Variants in TACC2 observed in about 807,000 individuals in gnomAD.
TACC2 encodes the protein transforming acidic coiled-coil-containing protein 2.
In TACC2, 137 loss-of-function variants were observed where a neutral mutation model predicts 227.3. That is an observed-to-expected ratio of 0.60 (90% CI 0.52 to 0.69). TACC2 has a LOEUF of 0.69. Among genes scored for constraint, TACC2 ranks in the 30% least tolerant of loss-of-function variants. The pLI is 0.00. For missense variants in TACC2, 3,470 were observed against 3,694.4 expected (o/e 0.94, Z 1.57); for synonymous variants, 1,523 against 1,487.5 (o/e 1.02, Z -0.55).
chr10:122,105,363 G>A (rs1297673291), intron 5 of TACC2, among the ~76,000 whole-genome samples: 2 of 152,130 alleles, frequency 1.3e-5, no homozygotes, highest in African/African-American at 2.4e-5. Context: ...GATGAAATTG[G>A]GCATTGGCAG....
intron 1 of TACC2, among the ~76,000 whole-genome samples, chr10:121,996,781 T>C (rs978177981): frequency 1.3e-5 from 2 of 152,202 alleles, no homozygotes; most frequent in East Asian, 1.9e-4. Flanking sequence ...GGCTGAATCA[T>C]CTAAGCAGAG....
intron 5 of TACC2, among the ~76,000 whole-genome samples, chr10:122,111,789 GA>G (rs2083663554): frequency 6.6e-6 from 1 of 152,108 alleles, no homozygotes; most frequent in African/African-American, 2.4e-5. Flanking sequence ...GAACCTTGAA[GA>G]CTGGGCATTT....
intron 14 of TACC2, among the ~76,000 whole-genome samples, chr10:122,228,595 T>G (rs1017329667): frequency 1.8e-4 from 28 of 152,238 alleles, no homozygotes; most frequent in African/African-American, 6.3e-4. Flanking sequence ...GCACCATCCT[T>G]CTAGGTGAAT....
intron 22 of TACC2, among the ~76,000 whole-genome samples, chr10:122,251,420 G>T (rs1168247827): frequency 1.3e-5 from 2 of 152,150 alleles, no homozygotes; most frequent in Non-Finnish European, 1.5e-5. Flanking sequence ...CACTCACCCA[G>T]TATTTATTGA....
At chr10:122,237,347 T>G in intron 16 of TACC2, 48 bp from the exon 17 acceptor site, 1 of 1,558,438 alleles carries the variant, frequency 6.4e-7, no homozygotes. Flanking sequence ...CTCTTTGTCG[T>G]ATGATTAATG....
intron 3 of TACC2, among the ~76,000 whole-genome samples, chr10:122,078,195 CAAAAAAA>C (rs1175837364): frequency 5.8e-4 from 22 of 37,674 alleles, no homozygotes; most frequent in South Asian, 1.1e-3. Flanking sequence ...ACTCCATCTC[CAAAAAAA>C]AAAAAAAAAA....
intron 2 of TACC2, among the ~76,000 whole-genome samples, chr10:122,029,849 G>A (rs1176185595): frequency 7.2e-6 from 1 of 138,816 alleles, no homozygotes. Flanking sequence ...TCTTAGGGAT[G>A]CTTTTGGACC....
At chr10:121,999,855 G>A (rs149774935) in intron 1 of TACC2, among the ~76,000 whole-genome samples, 141 of 152,340 alleles carry the variant, frequency 9.3e-4, no homozygotes, top group Middle Eastern at 3.4e-3. Flanking sequence ...TCGGTCAGAT[G>A]GGTAGATACC....
intron 18 of TACC2, among the ~76,000 whole-genome samples, chr10:122,239,299 G>T (rs1035856774): frequency 8.5e-5 from 13 of 152,220 alleles, no homozygotes; most frequent in African/African-American, 3.1e-4. Flanking sequence ...ATGAGCCACT[G>T]CACCCAGCCC....
chr10:122,179,438 A>C (rs2093882245), intron 7 of TACC2, among the ~76,000 whole-genome samples: 1 of 152,256 alleles, frequency 6.6e-6, no homozygotes, highest in Non-Finnish European at 1.5e-5. Flanking sequence ...ATTATAGCGC[A>C]AGTAAAAAGC....
rs1317421107 is a variant in TACC2 at position 122,224,785 on chromosome 10, C to T, written c.7606C>T (p.Pro2536Ser). 1 of 1,613,850 alleles carries T rather than the reference C, an allele frequency of 6.2e-7. No homozygotes were observed. Among genetic ancestry groups the T allele is most frequent in the Admixed American group, 1.7e-5 (1 of 60,008 alleles). ...EYMEKIGSSL[P>S]QDDDAPKKQA... ...TATGGAGAAAATTGGCTCCTCCTTA[C>T]CTGTAAGTTCGTCTGCCTCGGGCCA... Residue 2536 changes from proline (P) to serine (S), a missense_variant and splice_region_variant, in exon 12 of 23, where the codon CCT becomes TCT. Physicochemically the swap from Pro to Ser is moderately conservative, Grantham distance 74. Coordinates refer to ENST00000369005, the MANE Select transcript of TACC2 (RefSeq NM_206862.4).
At chr10:122,036,259 C>G (rs1241497148) in intron 2 of TACC2, among the ~76,000 whole-genome samples, 5 of 142,736 alleles carry the variant, frequency 3.5e-5, no homozygotes, top group African/African-American at 1.3e-4. Flanking sequence ...GTGGCGCAAT[C>G]TCGGCTCACT....
At chr10:122,143,739 C>T in intron 7 of TACC2, 33 bp downstream of exon 7, 1 of 1,604,054 alleles carries the variant, frequency 6.2e-7, no homozygotes, top group Non-Finnish European at 8.5e-7. Context: ...CAGCACCTGC[C>T]CCCGGAGAGC....
chr10:122,074,652 G>C (rs2078561283), intron 3 of TACC2, among the ~76,000 whole-genome samples: 2 of 152,062 alleles, frequency 1.3e-5, no homozygotes, highest in Admixed American at 1.3e-4. Flanking sequence ...TAGAGTGCTG[G>C]AGAGAATTCT....
At chr10:122,237,680 G>A in intron 17 of TACC2, 142 bp downstream of exon 17, 1 of 1,107,742 alleles carries the variant, frequency 9.0e-7, no homozygotes, top group Non-Finnish European at 1.3e-6. Flanking sequence ...CATGCGTTTT[G>A]ATCTTCCTAG....
At chr10:122,246,167 C>T (rs2096113656) in intron 19 of TACC2, among the ~76,000 whole-genome samples, 1 of 152,192 alleles carries the variant, frequency 6.6e-6, no homozygotes, top group Non-Finnish European at 1.5e-5. Flanking sequence ...GTTCTCTGCC[C>T]CACCCCAGAC....
intron 3 of TACC2, among the ~76,000 whole-genome samples, chr10:122,068,758 G>T (rs1565202673): frequency 6.6e-6 from 1 of 151,714 alleles, no homozygotes; most frequent in Non-Finnish European, 1.5e-5. Context: ...CCGCTTTCCG[G>T]GTTCAAGTGA....
rs2095385585 is a variant in TACC2 at position 122,215,514 on chromosome 10, T to C, written c.7344+63T>C. On this transcript the variant is annotated intron_variant, in intron 10 of 22. Transcript: ENST00000369005. The stretch of plus-strand genomic sequence containing the variant: ...CCCCGGGGGAGGTTTTCTTCGCTTG[T>C]TGACAAAGCTTTGCTTTCTGCTCAT... The C allele has an allele frequency of 5.8e-6, 8 of 1,382,478 alleles. No homozygotes were observed. In the South Asian group the frequency reaches 9.3e-5, roughly 16 times the overall value. 85.6% of individuals were successfully genotyped at this position (1,382,478 alleles called of 1,614,324 possible).
intron 1 of TACC2, among the ~76,000 whole-genome samples, chr10:122,006,454 A>T (rs954352864): frequency 2.3e-5 from 2 of 86,056 alleles, no homozygotes; most frequent in African/African-American, 6.7e-5. Context: ...GTCTCAAAAA[A>T]TAAATAAATA....
Sources: gnomAD v4.1 joint callset for allele counts (sites outside exome capture counted in the v4.1 genomes callset) on GRCh38, gnomAD v4.1.1 for gene constraint, MANE v1.5 for transcripts, NCBI Gene and HGNC (gene_info 2026-07-23, HGNC 2026-07-21) for gene names.